ADD2: variants seen among roughly 807,000 people sequenced by gnomAD.
ADD2 encodes the protein adducin 2.
ADD2 carries 23 observed loss-of-function variants against 83.0 expected under a neutral mutation model. The observed-to-expected ratio is 0.28, with a 90% CI of 0.20 to 0.39. ADD2 has a LOEUF of 0.39. Ranked by LOEUF, ADD2 falls within the 10% of genes least tolerant of loss-of-function variation. The pLI, the probability that ADD2 is intolerant of heterozygous loss-of-function variation, is 1.00. For missense variants in ADD2, 758 were observed against 944.9 expected (o/e 0.80, Z 2.59); for synonymous variants, 375 against 375.4 (o/e 1.00, Z 0.01).
chr2:70,707,608 C>T (rs1163542738), intron 2 of ADD2, among the ~76,000 whole-genome samples: 1 of 152,236 alleles, frequency 6.6e-6, no homozygotes, highest in Non-Finnish European at 1.5e-5. Flanking sequence ...GCCTTCAAAT[C>T]GGTGCTCTGC....
chr2:70,678,440 G>C (rs541244289), intron 11 of ADD2, among the ~76,000 whole-genome samples: 1 of 152,264 alleles, frequency 6.6e-6, no homozygotes, highest in Non-Finnish European at 1.5e-5. Flanking sequence ...CAAACCAACT[G>C]GTTCTGGGTC....
intron 1 of ADD2, among the ~76,000 whole-genome samples, chr2:70,737,253 C>T (rs1463102005): frequency 6.6e-6 from 1 of 152,202 alleles, no homozygotes; most frequent in East Asian, 1.9e-4. Context: ...ATAAATCATA[C>T]TGCTATAAAG....
Position 70,704,808 on chromosome 2 carries a change from AT to A in ADD2, c.184-350del, listed in dbSNP as rs1553374146. Among the ~76,000 whole-genome samples, 80 of 152,302 alleles carry A rather than the reference AT, an allele frequency of 5.3e-4. 1 individual carries two copies. Among genetic ancestry groups the A allele is most frequent in the African/African-American group, 1.9e-3 (80 of 41,556 alleles). Reference sequence around the variant, plus strand: ...AGGACATTTTTTTAGGCAGAACTGAATGGAGAGAGCCACCATCCCTCTCCAT... The same window carrying A: ...AGGACATTTTTTTAGGCAGAACTGAAGGAGAGAGCCACCATCCCTCTCCAT... On this transcript the variant is annotated intron_variant, in intron 3 of 15. Coordinates refer to ENST00000264436, the MANE Select transcript of ADD2 (RefSeq NM_001617.4).
At chr2:70,749,839 C>A (rs539922194) in intron 1 of ADD2, among the ~76,000 whole-genome samples, 3 of 152,344 alleles carry the variant, frequency 2.0e-5, no homozygotes, top group Admixed American at 1.3e-4. Flanking sequence ...TAAGGAGTCG[C>A]TGCACCAGCC....
At chr2:70,766,421 G>T (rs1472637880) in intron 1 of ADD2, among the ~76,000 whole-genome samples, 1 of 152,056 alleles carries the variant, frequency 6.6e-6, no homozygotes, top group East Asian at 1.9e-4. Context: ...AATATTAAAT[G>T]GTCTAAACCC....
chr2:70,676,824 C>G lies in ADD2; in HGVS notation c.1565G>C (p.Ser522Thr), dbSNP rs1553368421. ...SAGPQSQLLASVIAEKSRSPS... is the reference protein window; with the variant it reads ...SAGPQSQLLATVIAEKSRSPS... ...GCTTCGGCTCTTCTCGGCAATGACGCTCGCCAGGAGCTGGGACTGAGGCCC... is the reference window on the plus strand; with the variant it reads ...GCTTCGGCTCTTCTCGGCAATGACGGTCGCCAGGAGCTGGGACTGAGGCCC... The change falls in exon 13 of 16, where the codon AGC becomes ACC. Residue 522 changes from serine to threonine, a missense_variant. Transcript: ENST00000264436. This position sits in a 1 kb window ranked among gnomAD's most constrained non-coding sequence, Gnocchi z 4.8. The G allele has an allele frequency of 6.2e-7, 1 of 1,614,214 alleles. No individual in the cohort carries two copies. Among genetic ancestry groups the G allele is most frequent in the Non-Finnish European group, 8.5e-7 (1 of 1,180,028 alleles).
intron 3 of ADD2, among the ~76,000 whole-genome samples, chr2:70,704,786 A>G (rs1671800048): frequency 6.6e-6 from 1 of 152,198 alleles, no homozygotes; most frequent in Non-Finnish European, 1.5e-5. Flanking sequence ...GTAATGAAGG[A>G]CATTTTTTTA....
rs782528563 is a variant in ADD2 at position 70,696,231 on chromosome 2, G to C, written c.474+14C>G. ...CATGCAGTGCCCCACCCAATTCCAG[G>C]GCGTTCTGCTCACCGTGACATAGGT... On this transcript the variant is annotated intron_variant, in intron 5 of 15. Coordinates refer to ENST00000264436, the MANE Select transcript of ADD2 (RefSeq NM_001617.4). The C allele has an allele frequency of 6.2e-7, 1 of 1,608,236 alleles. No individual in the cohort carries two copies. Among genetic ancestry groups the C allele is most frequent in the East Asian group, 2.2e-5 (1 of 44,648 alleles).
intron 4 of ADD2, among the ~76,000 whole-genome samples, chr2:70,698,767 G>A (rs556896929): frequency 2.5e-4 from 38 of 152,052 alleles, no homozygotes; most frequent in African/African-American, 8.7e-4. Context: ...TTGGCCTCAC[G>A]AAAGTTAGGA....
intron 6 of ADD2, 112 bp downstream of exon 6, chr2:70,695,609 G>A: frequency 2.2e-6 from 2 of 920,196 alleles, no homozygotes; most frequent in South Asian, 3.0e-5. Flanking sequence ...CTATCAGATT[G>A]TGAGCTCCAC....
chr2:70,713,125 CT>C lies in ADD2; in HGVS notation c.-95del. The C allele has an allele frequency of 3.0e-6, 3 of 985,514 alleles. No homozygotes were observed. Among genetic ancestry groups the C allele is most frequent in the Non-Finnish European group, 3.6e-6 (3 of 830,038 alleles). The allele number at this position is 985,514 out of a possible 1,614,324, so 61.0% of individuals were successfully genotyped here. A position where few individuals can be genotyped will look rare whatever the true frequency, so the allele number is the denominator to read the frequency against. The stretch of plus-strand genomic sequence containing the variant: ...CTGTTCACTGCTCAGTCTGCACCCC[CT>C]AGCTCCACTCTCAAGGGTGCCGGCC... On this transcript the variant is annotated 5_prime_UTR_variant, in exon 2 of 16. An upstream open reading frame in the 5' UTR loses its in-frame stop. Coordinates refer to ENST00000264436, the MANE Select transcript of ADD2 (RefSeq NM_001617.4).
At position 70,676,745 on chromosome 2, in the gene ADD2, C is replaced by A. The variant is rs782464854; in HGVS notation, c.1593+51G>T. On this transcript the variant is annotated intron_variant, in intron 13 of 15. Coordinates refer to ENST00000264436, the MANE Select transcript of ADD2 (RefSeq NM_001617.4). The surrounding 1 kb of genome is among the most constrained non-coding windows in gnomAD (Gnocchi z 4.8). ...GCAACCCAGCCCCAGGCACAGAAGA[C>A]CCCGAAGGCAAACACGTTTCCCCGC... is the stretch of plus-strand genomic sequence containing the variant. 2.0e-5 allele frequency: 33 copies of A among 1,613,028 alleles called. No homozygotes were observed. In the East Asian group the frequency reaches 7.1e-4, roughly 35 times the overall value.
intron 1 of ADD2, among the ~76,000 whole-genome samples, chr2:70,749,689 C>T (rs1674410536): frequency 2.6e-5 from 4 of 152,192 alleles, no homozygotes; most frequent in Admixed American, 1.3e-4. Flanking sequence ...ATCCTTTTCC[C>T]TCACCTCTTC....
chr2:70,725,674 G>A (rs377431516), intron 1 of ADD2, among the ~76,000 whole-genome samples: 28 of 152,146 alleles, frequency 1.8e-4, no homozygotes, highest in East Asian at 5.8e-4. Context: ...GCTGGGAGAC[G>A]CACGGAAGCA....
At chr2:70,666,894 C>T (rs1444246600) in intron 15 of ADD2, among the ~76,000 whole-genome samples, 2 of 152,118 alleles carry the variant, frequency 1.3e-5, no homozygotes, top group East Asian at 3.8e-4. Flanking sequence ...GAAAATGGGG[C>T]TTGGAGGAGC....
At chr2:70,699,319 T>C (rs1671466707) in intron 4 of ADD2, among the ~76,000 whole-genome samples, 1 of 152,132 alleles carries the variant, frequency 6.6e-6, no homozygotes, top group African/African-American at 2.4e-5. Flanking sequence ...CCTACAATTA[T>C]ATGCTTCCTG....
chr2:70,718,570 T>A (rs117157102), intron 1 of ADD2, among the ~76,000 whole-genome samples: 1 of 152,186 alleles, frequency 6.6e-6, no homozygotes, highest in East Asian at 1.9e-4. Context: ...TGGGTGCACA[T>A]AATGAGGACC....
chr2:70,679,009 T>A, intron 10 of ADD2, 48 bp from the exon 11 acceptor site: 1 of 1,547,306 alleles, frequency 6.5e-7, no homozygotes, highest in Non-Finnish European at 8.7e-7. Flanking sequence ...AAAAAAGGCC[T>A]GTACCTGCAC....
chr2:70,746,520 A>G (rs188089836), intron 1 of ADD2, among the ~76,000 whole-genome samples: 214 of 152,228 alleles, frequency 1.4e-3, no homozygotes, highest in African/African-American at 3.5e-3. Context: ...CAAGATGAGG[A>G]AACAGTAGGA....
Sources: allele counts gnomAD v4.1 joint callset (sites outside exome capture counted in the v4.1 genomes callset), GRCh38; gene constraint gnomAD v4.1.1; non-coding constraint Gnocchi (gnomAD v3.1); transcripts MANE v1.5; gene names NCBI Gene and HGNC (gene_info 2026-07-23, HGNC 2026-07-21).